The following PCDHGB1 variants were observed in gnomAD, a reference collection of about 807,000 sequenced individuals.
PCDHGB1 encodes the protein protocadherin gamma subfamily B, 1.
In PCDHGB1, 34 loss-of-function variants were observed where a neutral mutation model predicts 56.6. The observed-to-expected ratio is 0.60, with a 90% confidence interval of 0.46 to 0.80. The LOEUF is 0.80. PCDHGB1 is among the 30% of genes least tolerant of loss of function. The pLI is 0.00. For missense variants in PCDHGB1, 1,278 were observed against 1,204.6 expected, an observed-to-expected ratio of 1.06 and a Z score of -0.90; for synonymous variants, 561 against 505.9, an observed-to-expected ratio of 1.11 and a Z score of -1.46.
chr5:141,497,824 T>G (rs1164705269), intron 2 of PCDHGB1, among the ~76,000 whole-genome samples: 1 of 152,086 alleles, frequency 6.6e-6, no homozygotes, highest in African/African-American at 2.4e-5. Flanking sequence ...ACAGGTGTGA[T>G]CGCCCCCGGC....
Position 141,485,548 on chromosome 5 carries a change from T to C in PCDHGB1, c.2410-9259T>C, listed in dbSNP as rs749739126. ...ACCGAGCAGAGGTAGAGATCGTAGA[T>C]GTGAATGATCACGCCCCCCGTTTTC... On this transcript the variant is annotated intron_variant, in intron 1 of 3. Transcript: ENST00000523390. This position sits in a 1 kb window ranked among gnomAD's most constrained non-coding sequence, Gnocchi z 5.7. The C allele has an allele frequency of 3.1e-6, 5 of 1,614,040 alleles. No homozygotes were observed. The highest frequency in any genetic ancestry group is 3.4e-6 in the Non-Finnish European group (4 of 1,179,942).
At chr5:141,413,980 A>C in intron 1 of PCDHGB1, 12 of 1,613,530 alleles carry the variant, frequency 7.4e-6, no homozygotes, top group Non-Finnish European at 1.0e-5. Flanking sequence ...GCTGACAGTC[A>C]CAGCCACCGA....
At chr5:141,404,043 C>T (rs781644500) in intron 1 of PCDHGB1, 1 of 1,613,844 alleles carries the variant, frequency 6.2e-7, no homozygotes, top group East Asian at 2.2e-5. Context: ...CCTCAGGGAA[C>T]AGTAATTCTT....
intron 1 of PCDHGB1, chr5:141,428,109 G>A: frequency 1.2e-6 from 2 of 1,607,850 alleles, no homozygotes; most frequent in Non-Finnish European, 1.7e-6. Context: ...CGTGCTGCAG[G>A]CCATCGAGCC....
chr5:141,432,611 T>C lies in PCDHGB1; in HGVS notation c.2410-62196T>C, dbSNP rs141541670. On this transcript the variant is annotated intron_variant, in intron 1 of 3. Transcript: ENST00000523390. This position sits in a 1 kb window ranked among gnomAD's most constrained non-coding sequence, Gnocchi z 6.0. ...CAAGGCCAGCGAGCCGGGACTCTTC[T>C]CGGTGGGTCTGCACACGGGCGAGGT... The C allele has an allele frequency of 2.5e-6, 4 of 1,613,860 alleles. No homozygotes were observed. In the South Asian group the frequency reaches 4.4e-5, roughly 18 times the overall value.
At chr5:141,402,487 A>G (rs1239262921) in intron 1 of PCDHGB1, among the ~76,000 whole-genome samples, 1 of 152,226 alleles carries the variant, frequency 6.6e-6, no homozygotes, top group Non-Finnish European at 1.5e-5. Flanking sequence ...AAGTTCTACC[A>G]AGAATAAGAA....
chr5:141,430,926 C>T, intron 1 of PCDHGB1: 1 of 1,607,426 alleles, frequency 6.2e-7, no homozygotes, highest in Non-Finnish European at 8.5e-7. Flanking sequence ...GGGCTGGAGC[C>T]CCGGGAGCTC....
intron 1 of PCDHGB1, chr5:141,398,633 A>G: frequency 6.2e-7 from 1 of 1,614,064 alleles, no homozygotes; most frequent in Non-Finnish European, 8.5e-7. Flanking sequence ...TCTCTGCAGA[A>G]GTATAAACTC....
At chr5:141,391,576 T>A (rs1172672552) in intron 1 of PCDHGB1, 1 of 152,236 alleles carries the variant, frequency 6.6e-6, no homozygotes, top group Non-Finnish European at 1.5e-5. Flanking sequence ...AGAAAATATA[T>A]TCACAGGAAA....
intron 1 of PCDHGB1, among the ~76,000 whole-genome samples, chr5:141,429,780 A>G (rs1301908729): frequency 1.3e-5 from 2 of 152,222 alleles, no homozygotes; most frequent in Non-Finnish European, 2.9e-5. Flanking sequence ...ATGGGCTTCC[A>G]AAAGTATTAC....
In PCDHGB1 at chr5:141,351,027, C is replaced by A; in HGVS notation, c.767C>A (p.Thr256Asn). The change falls in exon 1 of 4, where the codon ACC becomes AAC. Residue 256 changes from threonine to asparagine, a missense_variant. By Grantham distance (65) the Thr-to-Asn change is moderately conservative (BLOSUM62 0). Transcript: ENST00000523390. ...VSLQENVPWGTSVLRVMATDQ... is the reference protein window; with the variant it reads ...VSLQENVPWGNSVLRVMATDQ... ...CTCCAAGAAAACGTACCGTGGGGAA[C>A]CTCCGTGCTGCGGGTGATGGCCACA... 6.2e-7 allele frequency: 1 copy of A among 1,614,084 alleles called. No homozygotes were observed. Among genetic ancestry groups the A allele is most frequent in the Non-Finnish European group, 8.5e-7 (1 of 1,179,898 alleles).
intron 1 of PCDHGB1, chr5:141,355,807 G>A: frequency 1.9e-6 from 3 of 1,613,264 alleles, no homozygotes; most frequent in Non-Finnish European, 2.5e-6. Context: ...TCTAGATCGC[G>A]AGGAAGAGGC....
intron 1 of PCDHGB1, among the ~76,000 whole-genome samples, chr5:141,445,953 T>C (rs550111391): frequency 2.0e-4 from 31 of 152,308 alleles, no homozygotes; most frequent in Middle Eastern, 3.4e-3. Flanking sequence ...CTCTGGCTGC[T>C]ATATGGAGAA....
At chr5:141,417,384 GAAGA>G (rs2096114648) in intron 1 of PCDHGB1, 1 of 154,070 alleles carries the variant, frequency 6.5e-6, no homozygotes, top group African/African-American at 2.4e-5. Context: ...TTTAAATTTT[GAAGA>G]AAAAATATTC....
intron 1 of PCDHGB1, chr5:141,408,147 A>G (rs1357143790): frequency 6.7e-7 from 1 of 1,503,488 alleles, no homozygotes; most frequent in Non-Finnish European, 8.9e-7. Context: ...TTAGCGCGGT[A>G]GAGTGCACTT....
chr5:141,473,260 G>T (rs2099318007), intron 1 of PCDHGB1, among the ~76,000 whole-genome samples: 1 of 152,148 alleles, frequency 6.6e-6, no homozygotes, highest in South Asian at 2.1e-4. Flanking sequence ...ATAGTCCTTA[G>T]TGTATGCTAT....
chr5:141,423,447 T>C (rs1347619382), intron 1 of PCDHGB1: 1 of 1,613,880 alleles, frequency 6.2e-7, no homozygotes, highest in Admixed American at 1.7e-5. Context: ...CCACGTCACA[T>C]TTTGTAGGCG....
At chr5:141,411,489 T>C (rs1229059443) in intron 1 of PCDHGB1, 1 of 152,090 alleles carries the variant, frequency 6.6e-6, no homozygotes, top group Non-Finnish European at 1.5e-5. Context: ...GAGGCTGAGC[T>C]GGGTGGATTG....
In PCDHGB1 at chr5:141,476,218, C is replaced by G. The variant is rs1562052166; in HGVS notation, c.2410-18589C>G. On this transcript the variant is annotated intron_variant, in intron 1 of 3. Transcript: ENST00000523390. The surrounding 1 kb of genome is among the most constrained non-coding windows in gnomAD (Gnocchi z 7.6). ...TGAACAAGGCTTCCACGGTCATTCA[C>G]TATGAGATCCCGGAGGAAAGAGAGA... is the stretch of plus-strand genomic sequence containing the variant. 1 of 1,613,984 alleles carries G rather than the reference C, an allele frequency of 6.2e-7. No homozygotes were observed.
Sources: allele counts gnomAD v4.1 joint callset (sites outside exome capture counted in the v4.1 genomes callset), GRCh38; gene constraint gnomAD v4.1.1; non-coding constraint Gnocchi (gnomAD v3.1); transcripts MANE v1.5; gene names NCBI Gene and HGNC (gene_info 2026-07-23, HGNC 2026-07-21).